The following AP2B1 variants were observed in gnomAD, a reference collection of about 807,000 sequenced individuals.
AP2B1 encodes AP-2 complex subunit beta.
In AP2B1, 23 loss-of-function variants were observed where a neutral mutation model predicts 102.0. The ratio of observed to expected loss-of-function variants is 0.23; its 90% CI spans 0.16 to 0.32. The LOEUF is 0.32. Among genes scored for constraint, AP2B1 ranks in the 10% least tolerant of loss-of-function variants. The probability of loss-of-function intolerance (pLI) is 1.00; values close to 1 mark genes in which losing one functional copy is unlikely to be tolerated. For synonymous variants in AP2B1, 381 were observed against 421.2 expected (o/e 0.90, Z 1.17); for missense variants, 541 against 1,157.4 (o/e 0.47, Z 7.73).
At chr17:35,592,855 TA>T (rs1484075384) in intron 1 of AP2B1, among the ~76,000 whole-genome samples, 2 of 152,190 alleles carry the variant, frequency 1.3e-5, no homozygotes, top group Non-Finnish European at 2.9e-5. Context: ...AATTTTAATA[TA>T]TTTAAAGAAG....
intron 5 of AP2B1, among the ~76,000 whole-genome samples, chr17:35,622,652 A>G (rs2074212099): frequency 6.6e-6 from 1 of 152,160 alleles, no homozygotes; most frequent in African/African-American, 2.4e-5. Context: ...CATCTCATTT[A>G]TACTTGGAGA....
chr17:35,627,360 T>G (rs1261693954), intron 7 of AP2B1, 25 bp from the exon 8 acceptor site: 1 of 1,594,520 alleles, frequency 6.3e-7, no homozygotes, highest in Admixed American at 1.7e-5. Context: ...TTCACCTTCC[T>G]TTCTTCTGTT....
chr17:35,637,711 A>C (rs1177651736), intron 10 of AP2B1, among the ~76,000 whole-genome samples: 1 of 147,512 alleles, frequency 6.8e-6, no homozygotes, highest in Non-Finnish European at 1.5e-5. Flanking sequence ...TTTTTGAGAC[A>C]GTCTCACTCT....
intron 20 of AP2B1, among the ~76,000 whole-genome samples, chr17:35,712,277 G>A (rs587619856): frequency 2.6e-5 from 4 of 152,294 alleles, no homozygotes; most frequent in Admixed American, 2.6e-4. Context: ...CTTTGTGGGA[G>A]TTGGTTCAAT....
chr17:35,588,471 T>G (rs1170621511), intron 1 of AP2B1, among the ~76,000 whole-genome samples: 2 of 152,184 alleles, frequency 1.3e-5, no homozygotes, highest in African/African-American at 4.8e-5. Flanking sequence ...AAAAAATGTT[T>G]TGAAAACTGC....
rs1443574650 is a variant in AP2B1, at chr17:35,714,765, G to T, written c.2627-2430G>T. ...AAAAGAAATCATATCTTGAACGAAG[G>T]GTAACTATATTTGACCATCTTTTTT... On this transcript the variant is annotated intron_variant, in intron 20 of 21. Coordinates refer to ENST00000610402, the MANE Select transcript of AP2B1 (RefSeq NM_001030006.2). 2.6e-5 allele frequency among the ~76,000 whole-genome samples: 4 copies of T among 152,044 alleles called. No homozygotes were observed. The East Asian group carries it at 7.7e-4, about 29-fold the overall frequency.
At chr17:35,660,065 A>T in intron 14 of AP2B1, 1 of 985,298 alleles carries the variant, frequency 1.0e-6, no homozygotes, top group Non-Finnish European at 1.2e-6. Context: ...TTTTGAATGC[A>T]TCCTTGCCTT....
intron 18 of AP2B1, among the ~76,000 whole-genome samples, chr17:35,691,189 A>G (rs1015682153): frequency 6.6e-6 from 1 of 152,214 alleles, no homozygotes; most frequent in African/African-American, 2.4e-5. Flanking sequence ...ACTAGCTGCA[A>G]AGGACACGAT....
intron 15 of AP2B1, among the ~76,000 whole-genome samples, chr17:35,671,144 A>C (rs1267022791): frequency 6.6e-6 from 1 of 152,096 alleles, no homozygotes; most frequent in African/African-American, 2.4e-5. Flanking sequence ...TGTCTTTCTG[A>C]TATTAAAGAG....
At chr17:35,593,285 A>C (rs960417737) in intron 1 of AP2B1, among the ~76,000 whole-genome samples, 1 of 152,206 alleles carries the variant, frequency 6.6e-6, no homozygotes, top group Admixed American at 6.5e-5. Flanking sequence ...TTTAAAAATA[A>C]CTAAAAGAAT....
chr17:35,722,665 T>C (rs2143015634), intron 21 of AP2B1, among the ~76,000 whole-genome samples: 1 of 152,292 alleles, frequency 6.6e-6, no homozygotes, highest in East Asian at 1.9e-4. Context: ...GGTAAAATAG[T>C]CTAAAATCTC....
Position 35,605,689 on chromosome 17 carries a change from T to G in AP2B1, c.144-16T>G, listed in dbSNP as rs775884927. On this transcript the variant is annotated splice_polypyrimidine_tract_variant and intron_variant, in intron 3 of 21. Transcript: ENST00000610402. ...ACCTGCTTACTTTCCTTTTCTCTTT[T>G]ACCCTCTCTTCTCAGTTCTCTCTTT... 1 of 1,591,326 alleles carries G rather than the reference T, an allele frequency of 6.3e-7. No homozygotes were observed. The highest frequency in any genetic ancestry group is 8.6e-7 in the Non-Finnish European group (1 of 1,164,632).
At chr17:35,669,142 C>CTT (rs11340791) in intron 14 of AP2B1, among the ~76,000 whole-genome samples, 2 of 135,646 alleles carry the variant, frequency 1.5e-5, no homozygotes, top group African/African-American at 5.5e-5. Context: ...TTGGGGATGC[C>CTT]TTTTTTTTTT....
chr17:35,632,310 T>A (rs1447205207), intron 9 of AP2B1, among the ~76,000 whole-genome samples: 2 of 152,090 alleles, frequency 1.3e-5, no homozygotes, highest in African/African-American at 4.8e-5. Context: ...AATTTTTGTA[T>A]TTTTAGTAGA....
chr17:35,593,237 CA>C (rs1244573771), intron 1 of AP2B1, among the ~76,000 whole-genome samples: 1 of 151,962 alleles, frequency 6.6e-6, no homozygotes, highest in Non-Finnish European at 1.5e-5. Context: ...TTTGATAGCA[CA>C]AAAGGGTGAC....
intron 18 of AP2B1, among the ~76,000 whole-genome samples, chr17:35,692,094 T>G (rs2076053183): frequency 1.3e-5 from 2 of 152,348 alleles, no homozygotes; most frequent in South Asian, 4.1e-4. Flanking sequence ...AATAACTGTC[T>G]TCTTTGAATG....
chr17:35,701,614 C>T (rs1014415587), intron 18 of AP2B1, among the ~76,000 whole-genome samples: 1 of 152,006 alleles, frequency 6.6e-6, no homozygotes, highest in Admixed American at 6.6e-5. Context: ...CTTGTTTGTT[C>T]GTTTGTGAGA....
Position 35,678,298 on chromosome 17 carries a change from C to T in AP2B1, c.2324+3977C>T, listed in dbSNP as rs770428058. ...CTAGTGGCCTTTTTGTAAATTCCTT[C>T]TAGTTTCCTACATAAATAAATCATG... is the stretch of plus-strand genomic sequence containing the variant. On this transcript the variant is annotated intron_variant, in intron 17 of 21. Coordinates refer to ENST00000610402, the MANE Select transcript of AP2B1 (RefSeq NM_001030006.2). 3.9e-5 allele frequency among the ~76,000 whole-genome samples: 6 copies of T among 152,034 alleles called. No homozygotes were observed. The East Asian group carries it at 1.2e-3, about 29-fold the overall frequency.
chr17:35,718,078 C>T (rs2085231995), intron 21 of AP2B1, among the ~76,000 whole-genome samples: 1 of 152,178 alleles, frequency 6.6e-6, no homozygotes, highest in East Asian at 1.9e-4. Flanking sequence ...TATCTTATTC[C>T]TCTGTTATGT....
Sources: allele counts gnomAD v4.1 joint callset (sites outside exome capture counted in the v4.1 genomes callset), GRCh38; gene constraint gnomAD v4.1.1; transcripts MANE v1.5; gene names NCBI Gene and HGNC (gene_info 2026-07-23, HGNC 2026-07-21).